MTR: variants seen among roughly 807,000 people sequenced by gnomAD.
MTR encodes 5-methyltetrahydrofolate-homocysteine methyltransferase.
MTR carries 84 observed loss-of-function variants against 154.8 expected under a neutral mutation model. That is an observed-to-expected ratio of 0.54 (90% confidence interval 0.45 to 0.65). The LOEUF is 0.65. Among genes scored for constraint, MTR ranks in the 30% least tolerant of loss-of-function variants. MTR has a pLI of 0.00. For missense variants in MTR, 1,275 were observed against 1,570.2 expected, an observed-to-expected ratio of 0.81 and a Z score of 3.18; for synonymous variants, 554 against 553.9, an observed-to-expected ratio of 1.00 and a Z score of 0.00.
At chr1:236,851,841 A>G (rs1663922751) in intron 16 of MTR, among the ~76,000 whole-genome samples, 1 of 152,232 alleles carries the variant, frequency 6.6e-6, no homozygotes, top group African/African-American at 2.4e-5. Flanking sequence ...AATGTATAAT[A>G]TTCTATGGTA....
intron 8 of MTR, among the ~76,000 whole-genome samples, chr1:236,817,123 A>G (rs888304145): frequency 2.6e-5 from 4 of 152,224 alleles, no homozygotes; most frequent in Non-Finnish European, 5.9e-5. Context: ...CAATCTGCTT[A>G]AAAATAACTC....
intron 9 of MTR, 71 bp from the exon 10 acceptor site, chr1:236,825,267 A>G: frequency 8.9e-7 from 1 of 1,117,936 alleles, no homozygotes. Flanking sequence ...AGTTATTAAC[A>G]TAAAGTCTTT....
intron 24 of MTR, among the ~76,000 whole-genome samples, chr1:236,875,807 G>A (rs536603822): frequency 1.3e-5 from 2 of 151,892 alleles, no homozygotes; most frequent in South Asian, 4.2e-4. Flanking sequence ...TTGTTCAGAG[G>A]AACAGAATCA....
chr1:236,851,587 G>A (rs1010120043), intron 16 of MTR, among the ~76,000 whole-genome samples: 2 of 152,190 alleles, frequency 1.3e-5, no homozygotes, highest in African/African-American at 4.8e-5. Context: ...GAGGCTCATA[G>A]GAACCTAGCC....
intron 15 of MTR, among the ~76,000 whole-genome samples, chr1:236,843,010 C>G (rs1442614548): frequency 6.7e-6 from 1 of 149,558 alleles, no homozygotes; most frequent in Admixed American, 6.7e-5. Context: ...TGCTTGAACC[C>G]AGGAGACTGA....
intron 22 of MTR, among the ~76,000 whole-genome samples, chr1:236,871,631 T>C (rs940083097): frequency 6.6e-6 from 1 of 152,058 alleles, no homozygotes; most frequent in Non-Finnish European, 1.5e-5. Flanking sequence ...TAACAAAAGA[T>C]CCAGGTACTA....
At chr1:236,836,143 C>T (rs991761628) in intron 14 of MTR, among the ~76,000 whole-genome samples, 1 of 152,064 alleles carries the variant, frequency 6.6e-6, no homozygotes, top group African/African-American at 2.4e-5. Flanking sequence ...TACATTTGTT[C>T]TTCAAAAGGT....
Position 236,835,673 on chromosome 1 carries a change from C to T in MTR, c.1315C>T (p.Pro439Ser), listed in dbSNP as rs1419293638. Residue 439 changes from proline (P) to serine (S), a missense_variant, in exon 14 of 33, where the codon CCA (proline) becomes TCA (serine). Coordinates refer to ENST00000366577, the MANE Select transcript of MTR (RefSeq NM_000254.3). ...ATTTTGCAACTTAATTGCTTCCGAG[C>T]CAGACATCGCAAAGGTTATACAAAG... ...TRFCNLIASE[P>S]DIAKVPLCID... 1 of 1,612,380 alleles carries T rather than the reference C, an allele frequency of 6.2e-7. No homozygotes were observed. The highest frequency in any genetic ancestry group is 8.5e-7 in the Non-Finnish European group (1 of 1,179,724).
At chr1:236,891,765 T>A (rs1307977786) in intron 29 of MTR, among the ~76,000 whole-genome samples, 1 of 152,210 alleles carries the variant, frequency 6.6e-6, no homozygotes, top group Non-Finnish European at 1.5e-5. Flanking sequence ...ATTTGCAGAA[T>A]GTATACCAGG....
chr1:236,797,687 G>A (rs1046066982), intron 1 of MTR, among the ~76,000 whole-genome samples: 5 of 152,098 alleles, frequency 3.3e-5, no homozygotes, highest in African/African-American at 4.8e-5. Flanking sequence ...AGCTGGGCGC[G>A]GTGGCTCATA....
At chr1:236,871,404 A>C (rs917914812) in intron 22 of MTR, among the ~76,000 whole-genome samples, 1 of 152,214 alleles carries the variant, frequency 6.6e-6, no homozygotes, top group Non-Finnish European at 1.5e-5. Flanking sequence ...AAGCATCCAC[A>C]TAAGATGTTC....
intron 4 of MTR, among the ~76,000 whole-genome samples, chr1:236,809,537 A>T (rs1453517968): frequency 6.6e-6 from 1 of 152,260 alleles, no homozygotes; most frequent in African/African-American, 2.4e-5. Context: ...TCTAAGAGAT[A>T]ATGTTTAAAT....
Position 236,835,605 on chromosome 1 carries a change from A to T in MTR, c.1247A>T (p.Asn416Ile). ...VEMGAQVLDV[N>I]MDDGMLDGPS... Reference sequence around the variant, plus strand: ...ATGGGAGCCCAGGTGTTGGATGTCAACATGGATGATGGCATGCTAGATGGT... The same window carrying T: ...ATGGGAGCCCAGGTGTTGGATGTCATCATGGATGATGGCATGCTAGATGGT... The change falls in exon 14 of 33, where the codon AAC becomes ATC. Residue 416 changes from asparagine to isoleucine, a missense_variant. By Grantham distance (149) the Asn-to-Ile change is moderately radical. Coordinates refer to ENST00000366577, the MANE Select transcript of MTR (RefSeq NM_000254.3). 6.2e-7 allele frequency: 1 copy of T among 1,611,088 alleles called. No homozygotes were observed. The highest frequency in any genetic ancestry group is 8.5e-7 in the Non-Finnish European group (1 of 1,179,466).
chr1:236,886,280 G>A lies in MTR; in HGVS notation c.2776-12G>A. 6.2e-7 allele frequency: 1 copy of A among 1,612,886 alleles called. No homozygotes were observed. Among genetic ancestry groups the A allele is most frequent in the African/African-American group, 1.3e-5 (1 of 75,022 alleles). On this transcript the variant is annotated splice_polypyrimidine_tract_variant and intron_variant, in intron 26 of 32. Coordinates refer to ENST00000366577, the MANE Select transcript of MTR (RefSeq NM_000254.3). ...AAGAGTGTCTAACTAATTTTTCTTT[G>A]TTTTTTAACAGGAGAGGAGATACTT...
At chr1:236,886,164 A>G in intron 26 of MTR, 128 bp from the exon 27 acceptor site, 1 of 772,998 alleles carries the variant, frequency 1.3e-6, no homozygotes. Context: ...TTTTTAGAAT[A>G]AACATTCTCA....
chr1:236,878,848 G>T (rs1665574409), intron 24 of MTR, among the ~76,000 whole-genome samples: 1 of 152,224 alleles, frequency 6.6e-6, no homozygotes, highest in African/African-American at 2.4e-5. Flanking sequence ...CAGGGCCATG[G>T]TCTGGCCTCC....
At chr1:236,835,968 A>T (rs974415802) in intron 14 of MTR, among the ~76,000 whole-genome samples, 1 of 152,166 alleles carries the variant, frequency 6.6e-6, no homozygotes, top group African/African-American at 2.4e-5. Flanking sequence ...ACAGACTAAC[A>T]ACCCACTTTC....
chr1:236,821,179 T>A (rs575269424), intron 8 of MTR, among the ~76,000 whole-genome samples: 2 of 152,370 alleles, frequency 1.3e-5, no homozygotes, highest in Admixed American at 1.3e-4. Flanking sequence ...GGCCTTGTGC[T>A]GCTTCGTAGC....
chr1:236,871,495 A>G (rs1343871875), intron 22 of MTR, among the ~76,000 whole-genome samples: 2 of 148,602 alleles, frequency 1.3e-5, no homozygotes, highest in Admixed American at 1.4e-4. Context: ...TTTTAGTTGA[A>G]TTTTAAAACA....
Sources: allele counts gnomAD v4.1 joint callset (sites outside exome capture counted in the v4.1 genomes callset), GRCh38; gene constraint gnomAD v4.1.1; transcripts MANE v1.5; gene names NCBI Gene and HGNC (gene_info 2026-07-23, HGNC 2026-07-21).